The following EXT1 variants were observed in gnomAD, a reference collection of about 807,000 sequenced individuals.
The protein encoded by EXT1 is exostosin glycosyltransferase 1.
A neutral mutation model predicts 82.5 loss-of-function variants in EXT1; 20 were observed. That is an observed-to-expected ratio of 0.24 (90% CI 0.17 to 0.35). The LOEUF (loss-of-function observed/expected upper bound fraction) is 0.35, where lower values mean the gene tolerates loss of function less well. Among genes scored for constraint, EXT1 ranks in the 10% least tolerant of loss-of-function variants. The pLI is 1.00. For synonymous variants in EXT1, 348 were observed against 350.8 expected, an observed-to-expected ratio of 0.99 and a Z score of 0.09; for missense variants, 757 against 936.5, an observed-to-expected ratio of 0.81 and a Z score of 2.50.
At chr8:117,829,922 C>T (rs138211602) in intron 4 of EXT1, among the ~76,000 whole-genome samples, 14 of 152,128 alleles carry the variant, frequency 9.2e-5, no homozygotes, top group Admixed American at 3.9e-4. Context: ...CGAAGGATGC[C>T]ATTGAGTGTA....
At chr8:118,044,588 G>C (rs532052441) in intron 1 of EXT1, among the ~76,000 whole-genome samples, 2 of 152,092 alleles carry the variant, frequency 1.3e-5, no homozygotes, top group Non-Finnish European at 2.9e-5. Context: ...TGTATTTTTA[G>C]TAGAGACGAG....
At chr8:117,993,725 GA>G (rs1270126856) in intron 1 of EXT1, among the ~76,000 whole-genome samples, 1 of 152,206 alleles carries the variant, frequency 6.6e-6, no homozygotes, top group African/African-American at 2.4e-5. Flanking sequence ...CTTCTGGAAG[GA>G]AACCCGTACA....
chr8:117,817,398 T>C (rs752763037), intron 7 of EXT1, among the ~76,000 whole-genome samples: 7 of 152,296 alleles, frequency 4.6e-5, no homozygotes, highest in African/African-American at 1.7e-4. Context: ...CACTCTCTTA[T>C]GACCTGACCC....
intron 1 of EXT1, among the ~76,000 whole-genome samples, chr8:118,099,438 G>C (rs1335574020): frequency 6.6e-6 from 1 of 152,202 alleles, no homozygotes; most frequent in Non-Finnish European, 1.5e-5. Flanking sequence ...GGTTAGAATT[G>C]TCTAACGTAA....
rs1437211331 is a variant in EXT1 at position 117,797,191 on chromosome 8, A to G, written c.*2521T>C. On this transcript the variant is annotated 3_prime_UTR_variant, in exon 11 of 11. Transcript: ENST00000378204. ...GAATTAAAATTACATATTACTGTCG[A>G]GCTTCACTGATTTGTTAAGCATTGT... The G allele has an allele frequency of 6.6e-6, 1 of 152,242 alleles. No individual in the cohort carries two copies. Among genetic ancestry groups the G allele is most frequent in the Non-Finnish European group, 1.5e-5 (1 of 68,038 alleles). The allele number at this position is 152,242 out of a possible 1,614,324, so 9.4% of individuals were successfully genotyped here.
At chr8:118,031,377 T>G in intron 1 of EXT1, among the ~76,000 whole-genome samples, 1 of 151,916 alleles carries the variant, frequency 6.6e-6, no homozygotes. Flanking sequence ...CTACAAAAAT[T>G]AGCCAGGCGT....
rs191883508 is a variant in EXT1, at chr8:117,856,680, T to C, written c.963-19479A>G. Among the ~76,000 whole-genome samples the C allele has an allele frequency of 1.0e-3, 154 of 152,118 alleles. 1 individual carries two copies. The highest frequency in any genetic ancestry group is 5.0e-3 in the Admixed American group (76 of 15,260). On this transcript the variant is annotated intron_variant, in intron 1 of 10. Coordinates refer to ENST00000378204, the MANE Select transcript of EXT1 (RefSeq NM_000127.3). ...TAAAAAAGAAGCCATTTCCATATCA[T>C]AATAGCGCAAGGTGAAGCAGCAAGT...
rs151082984 is a variant in EXT1 at position 118,005,010 on chromosome 8, T to C, written c.962+105075A>G. Among the ~76,000 whole-genome samples the C allele has an allele frequency of 5.2e-3, 786 of 152,274 alleles. 4 individuals carry two copies. Among genetic ancestry groups the C allele is most frequent in the Non-Finnish European group, 6.5e-3 (439 of 68,024 alleles). ...TCTCCACCCTGATCCTGGAAAATGA[T>C]GTTATCATCCCACTTTTACATGGGG... is the stretch of plus-strand genomic sequence containing the variant. On this transcript the variant is annotated intron_variant, in intron 1 of 10. Transcript: ENST00000378204.
chr8:117,919,222 T>C (rs2130008614), intron 1 of EXT1, among the ~76,000 whole-genome samples: 1 of 152,144 alleles, frequency 6.6e-6, no homozygotes, highest in African/African-American at 2.4e-5. Flanking sequence ...AGGTGTCATT[T>C]TGTCACCCAG....
intron 1 of EXT1, among the ~76,000 whole-genome samples, chr8:117,956,177 CAAA>C (rs11308914): frequency 7.0e-6 from 1 of 141,866 alleles, no homozygotes. Flanking sequence ...TTTTTAACAG[CAAA>C]AAAAAAAAAA....
At chr8:118,011,785 C>CGTTAGT (rs1200359799) in intron 1 of EXT1, among the ~76,000 whole-genome samples, 1 of 152,178 alleles carries the variant, frequency 6.6e-6, no homozygotes, top group African/African-American at 2.4e-5. Context: ...CATGACAAGC[C>CGTTAGT]GTTAGTATTC....
chr8:117,801,430 G>A (rs1359131981), intron 10 of EXT1, among the ~76,000 whole-genome samples: 1 of 152,172 alleles, frequency 6.6e-6, no homozygotes, highest in Non-Finnish European at 1.5e-5. Flanking sequence ...GAGCTGACTG[G>A]TTGAGTTCAT....
intron 1 of EXT1, among the ~76,000 whole-genome samples, chr8:117,967,425 A>C (rs1452249493): frequency 6.6e-6 from 1 of 152,244 alleles, no homozygotes; most frequent in Non-Finnish European, 1.5e-5. Flanking sequence ...CTTAAAAAGC[A>C]GTCATTAAAT....
At chr8:117,824,444 G>A (rs889512511) in intron 4 of EXT1, among the ~76,000 whole-genome samples, 2 of 152,180 alleles carry the variant, frequency 1.3e-5, no homozygotes, top group African/African-American at 2.4e-5. Flanking sequence ...GAAAGACATA[G>A]GACAGGTACG....
chr8:117,860,893 T>A (rs1346285583), intron 1 of EXT1, among the ~76,000 whole-genome samples: 2 of 152,182 alleles, frequency 1.3e-5, no homozygotes, highest in African/African-American at 4.8e-5. Flanking sequence ...GGGCTAAAGG[T>A]CAGATACAAC....
chr8:117,803,385 T>C (rs2129689763), intron 10 of EXT1, among the ~76,000 whole-genome samples: 1 of 152,074 alleles, frequency 6.6e-6, no homozygotes, highest in East Asian at 1.9e-4. Context: ...TTAGTAGAGA[T>C]GGGGTTTCGA....
chr8:117,873,447 CTTTTTTTTTTTT>C (rs1184985472), intron 1 of EXT1, among the ~76,000 whole-genome samples: 15 of 99,676 alleles, frequency 1.5e-4, no homozygotes, highest in African/African-American at 4.9e-4. Flanking sequence ...TGTCCTGTGA[CTTTTTTTTTTTT>C]TTTTTTTTTT....
intron 2 of EXT1, among the ~76,000 whole-genome samples, chr8:117,836,674 G>C (rs911906322): frequency 1.4e-4 from 21 of 152,176 alleles, no homozygotes; most frequent in African/African-American, 4.8e-4. Flanking sequence ...GGAAGAGCTG[G>C]ATCATCTGAG....
At chr8:117,867,681 A>T (rs1376338135) in intron 1 of EXT1, among the ~76,000 whole-genome samples, 4 of 152,282 alleles carry the variant, frequency 2.6e-5, no homozygotes, top group South Asian at 2.1e-4. Context: ...CCCACTTCTA[A>T]ATACCTTTTT....
Sources: allele counts gnomAD v4.1 joint callset (sites outside exome capture counted in the v4.1 genomes callset), GRCh38; gene constraint gnomAD v4.1.1; transcripts MANE v1.5; gene names NCBI Gene and HGNC (gene_info 2026-07-23, HGNC 2026-07-21).